Variants in NDUFB3 observed in about 807,000 individuals in gnomAD.
NDUFB3 encodes NADH:ubiquinone oxidoreductase subunit B3.
In NDUFB3, 7 loss-of-function variants were observed where a neutral mutation model predicts 9.0. The observed-to-expected ratio is 0.78, with a 90% confidence interval of 0.44 to 1.46. The LOEUF (loss-of-function observed/expected upper bound fraction) is 1.46, where lower values mean the gene tolerates loss of function less well. NDUFB3 is among the 40% of genes most tolerant of loss of function. The pLI is 0.01. For synonymous variants in NDUFB3, 29 were observed against 38.5 expected, an observed-to-expected ratio of 0.75 and a Z score of 0.91; for missense variants, 93 against 115.4, an observed-to-expected ratio of 0.81 and a Z score of 0.89.
chr2:201,073,097 A>C (rs2047110057), intron 1 of NDUFB3, among the ~76,000 whole-genome samples: 1 of 152,160 alleles, frequency 6.6e-6, no homozygotes, highest in Non-Finnish European at 1.5e-5. Flanking sequence ...TTGGTTGAAA[A>C]ACACTGCCTT....
intron 1 of NDUFB3, 139 bp downstream of exon 1, chr2:201,072,198 T>A (rs1325279900): frequency 6.6e-6 from 1 of 152,314 alleles, no homozygotes; most frequent in Non-Finnish European, 1.5e-5. Flanking sequence ...AGGCGAGAAC[T>A]AATGAAGTCC....
intron 2 of NDUFB3, among the ~76,000 whole-genome samples, chr2:201,081,255 G>A (rs1302998071): frequency 6.6e-6 from 1 of 151,738 alleles, no homozygotes; most frequent in African/African-American, 2.4e-5. Context: ...AGGCCGAGGC[G>A]GGTGGATCAC....
intron 2 of NDUFB3, among the ~76,000 whole-genome samples, chr2:201,083,737 T>C (rs1301700377): frequency 6.6e-6 from 1 of 152,258 alleles, no homozygotes; most frequent in African/African-American, 2.4e-5. Flanking sequence ...ATTCTGTTAA[T>C]ATGGCGAGTT....
intron 2 of NDUFB3, among the ~76,000 whole-genome samples, chr2:201,082,366 A>T (rs754621782): frequency 6.6e-6 from 1 of 151,518 alleles, no homozygotes; most frequent in African/African-American, 2.4e-5. Context: ...GTGGGCTGAA[A>T]TCATCCTCCC....
chr2:201,085,347 G>A (rs1312434249), intron 2 of NDUFB3, 112 bp from the exon 3 acceptor site: 2 of 738,090 alleles, frequency 2.7e-6, no homozygotes, highest in East Asian at 5.5e-5. Flanking sequence ...TCACTTAAAT[G>A]ATCTTCTGTA....
chr2:201,073,385 AC>A (rs1286874896), intron 1 of NDUFB3, among the ~76,000 whole-genome samples: 1 of 152,208 alleles, frequency 6.6e-6, no homozygotes, highest in Non-Finnish European at 1.5e-5. Context: ...GTGTGACTAT[AC>A]CATAATCCCT....
rs1009563001 is a variant in NDUFB3 at position 201,083,930 on chromosome 2, C to T, written c.141-1529C>T. Among the ~76,000 whole-genome samples the T allele has an allele frequency of 4.0e-5, 6 of 151,520 alleles. No homozygotes were observed. In the East Asian group the frequency reaches 5.9e-4, roughly 15 times the overall value. ...CAGCACTTTGGGAAGCCAAGGCAGG[C>T]GGATCACTTAAGGCTGGAAGTTTGA... On this transcript the variant is annotated intron_variant, in intron 2 of 2. Coordinates refer to ENST00000237889, the MANE Select transcript of NDUFB3 (RefSeq NM_002491.3).
chr2:201,081,840 G>C (rs1197895990), intron 2 of NDUFB3, among the ~76,000 whole-genome samples: 1 of 148,708 alleles, frequency 6.7e-6, no homozygotes, highest in African/African-American at 2.5e-5. Context: ...TTTTGAAATG[G>C]AGTCTCGCTC....
chr2:201,077,707 T>C (rs1047745552), intron 1 of NDUFB3, among the ~76,000 whole-genome samples: 2 of 152,226 alleles, frequency 1.3e-5, no homozygotes, highest in Non-Finnish European at 2.9e-5. Context: ...ACAAAAAAAT[T>C]TGTAGTCAGT....
Position 201,085,680 on chromosome 2 carries a change from C to G in NDUFB3, c.*65C>G, listed in dbSNP as rs143339332. On this transcript the variant is annotated 3_prime_UTR_variant, in exon 3 of 3. Transcript: ENST00000237889. ...CCAAAATAAGATTTCTTCTCTGTAG[C>G]CTACTTGTCTGGTTTATCCCTTACA... The G allele has an allele frequency of 7.1e-7, 1 of 1,410,904 alleles. No homozygotes were observed. The highest frequency in any genetic ancestry group is 1.4e-5 in the African/African-American group (1 of 69,606). 87.4% of individuals were successfully genotyped at this position (1,410,904 alleles called of 1,614,324 possible).
chr2:201,077,343 A>G (rs1308649448), intron 1 of NDUFB3, among the ~76,000 whole-genome samples: 2 of 152,176 alleles, frequency 1.3e-5, no homozygotes, highest in African/African-American at 4.8e-5. Context: ...TGAATTAGCA[A>G]TTTAAATGAG....
At chr2:201,081,226 G>C (rs2047218505) in intron 2 of NDUFB3, among the ~76,000 whole-genome samples, 1 of 151,494 alleles carries the variant, frequency 6.6e-6, no homozygotes, top group African/African-American at 2.4e-5. Context: ...GCTCACACCT[G>C]TAATTCCAGC....
At chr2:201,081,758 C>T (rs1383087102) in intron 2 of NDUFB3, among the ~76,000 whole-genome samples, 1 of 151,650 alleles carries the variant, frequency 6.6e-6, no homozygotes, top group South Asian at 2.1e-4. Flanking sequence ...AAGCAATTCT[C>T]CTGCCTCAGC....
intron 2 of NDUFB3, among the ~76,000 whole-genome samples, chr2:201,079,336 G>T (rs2047199698): frequency 1.3e-5 from 2 of 151,990 alleles, no homozygotes; most frequent in Non-Finnish European, 2.9e-5. Flanking sequence ...GTAGAGACGG[G>T]GTTTCACCAT....
chr2:201,085,597 A>G lies in NDUFB3; in HGVS notation c.279A>G (p.Lys93=). The change falls in exon 3 of 3, where the codon AAA becomes AAG. Residue 93 remains lysine (K), a synonymous_variant. Coordinates refer to ENST00000237889, the MANE Select transcript of NDUFB3 (RefSeq NM_002491.3). Reference sequence around the variant, plus strand: ...AATATTACCTGGAGTCCCTGAATAAAGATAAGAAGCATCACTGAAGATAAT... The same window carrying G: ...AATATTACCTGGAGTCCCTGAATAAGGATAAGAAGCATCACTGAAGATAAT... The part of the protein sequence containing the change: ...GAEYYLESLN[K]DKKHH The G allele has an allele frequency of 5.6e-6, 9 of 1,611,426 alleles. No homozygotes were observed. Among genetic ancestry groups the G allele is most frequent in the Non-Finnish European group, 7.6e-6 (9 of 1,178,946 alleles).
chr2:201,080,778 G>A (rs529204373), intron 2 of NDUFB3, among the ~76,000 whole-genome samples: 12 of 139,142 alleles, frequency 8.6e-5, no homozygotes, highest in East Asian at 6.4e-4. Context: ...AATCTGGCTC[G>A]CTGCCAGCTC....
rs2047202023 is a variant in NDUFB3, at chr2:201,079,584, A to T, written c.140+562A>T. 2.0e-5 allele frequency among the ~76,000 whole-genome samples: 3 copies of T among 152,140 alleles called. No homozygotes were observed. In the South Asian group the frequency reaches 6.2e-4, roughly 31 times the overall value. ...CAGCCTCCCTAGTAGCTGAGACTAC[A>T]GGCATGGGCCACCATGCCCAGCTAA... On this transcript the variant is annotated intron_variant, in intron 2 of 2. Transcript: ENST00000237889.
At chr2:201,075,250 GCT>G (rs945516083) in intron 1 of NDUFB3, among the ~76,000 whole-genome samples, 1 of 151,324 alleles carries the variant, frequency 6.6e-6, no homozygotes, top group Non-Finnish European at 1.5e-5. Flanking sequence ...TCAACTTTCT[GCT>G]CTTTTTGAAA....
At chr2:201,072,104 G>A (rs907270137) in intron 1 of NDUFB3, 45 bp downstream of exon 1, 3 of 152,268 alleles carry the variant, frequency 2.0e-5, no homozygotes, top group African/African-American at 7.2e-5. Flanking sequence ...AGGATTAAGA[G>A]CTAGACTCTA....
Sources: gnomAD v4.1 joint callset for allele counts (sites outside exome capture counted in the v4.1 genomes callset) on GRCh38, gnomAD v4.1.1 for gene constraint, MANE v1.5 for transcripts, NCBI Gene and HGNC (gene_info 2026-07-23, HGNC 2026-07-21) for gene names.